Variants in TCF20 observed in about 807,000 individuals in gnomAD.
The protein encoded by TCF20 is transcription factor 20.
A neutral mutation model predicts 148.6 loss-of-function variants in TCF20; 3 were observed. That is an observed-to-expected ratio of 0.02 (90% CI 0.01 to 0.05). TCF20 has a LOEUF of 0.05. Among genes scored for constraint, TCF20 ranks in the 10% least tolerant of loss-of-function variants. The pLI is 1.00. For missense variants in TCF20, 2,350 were observed against 2,429.3 expected (o/e 0.97, Z 0.69); for synonymous variants, 1,049 against 909.5 (o/e 1.15, Z -2.76).
intron 1 of TCF20, among the ~76,000 whole-genome samples, chr22:42,224,256 G>A (rs367975868): frequency 1.3e-4 from 20 of 151,978 alleles, no homozygotes; most frequent in African/African-American, 4.4e-4. Context: ...CGGATAACGA[G>A]GTCAGGAGAT....
At chr22:42,225,584 G>GA (rs1922811159) in intron 1 of TCF20, among the ~76,000 whole-genome samples, 1 of 143,242 alleles carries the variant, frequency 7.0e-6, no homozygotes, top group Non-Finnish European at 1.5e-5. Flanking sequence ...ACTGCAGTCC[G>GA]CAGTCCGGCC....
At chr22:42,168,970 A>G (rs1935958278) in intron 4 of TCF20, among the ~76,000 whole-genome samples, 1 of 151,974 alleles carries the variant, frequency 6.6e-6, no homozygotes, top group Non-Finnish European at 1.5e-5. Flanking sequence ...AGAATATAAG[A>G]TCCTGTGACC....
At position 42,209,528 on chromosome 22, in the gene TCF20, C is replaced by T. The variant is rs1320039835; in HGVS notation, c.5655+123G>A. 5.2e-6 allele frequency: 6 copies of T among 1,146,348 alleles called. No homozygotes were observed. In the African/African-American group the frequency reaches 9.3e-5, roughly 18 times the overall value. The allele number at this position is 1,146,348 out of a possible 1,614,324, so 71.0% of individuals were successfully genotyped here. A position where few individuals can be genotyped will look rare whatever the true frequency, so the allele number is the denominator to read the frequency against. On this transcript the variant is annotated intron_variant, in intron 2 of 5. Coordinates refer to ENST00000677622, the MANE Select transcript of TCF20 (RefSeq NM_001378418.1). Reference sequence around the variant, plus strand: ...ATTACCTATTTCATTTTCTGTCCATCACATGGGCATAGGCACTTTAATTTG... The same window carrying T: ...ATTACCTATTTCATTTTCTGTCCATTACATGGGCATAGGCACTTTAATTTG...
chr22:42,330,728 C>T (rs1480888062), intron 1 of TCF20, among the ~76,000 whole-genome samples: 2 of 152,168 alleles, frequency 1.3e-5, no homozygotes, highest in Non-Finnish European at 1.5e-5. Flanking sequence ...GGCACCCATC[C>T]GAGCCCCTGA....
At chr22:42,225,000 CTTT>C (rs34550174) in intron 1 of TCF20, among the ~76,000 whole-genome samples, 2 of 130,246 alleles carry the variant, frequency 1.5e-5, no homozygotes, top group Non-Finnish European at 1.6e-5. Context: ...GAAATAATCA[CTTT>C]TTTTTTTTTT....
Position 42,210,832 on chromosome 22 carries a change from G to C in TCF20, c.4474C>G (p.Pro1492Ala). The change falls in exon 2 of 6, where the codon CCA (proline) becomes GCA (alanine). Residue 1492 changes from proline to alanine, a missense_variant. Physicochemically the swap from Pro to Ala is conservative, Grantham distance 27. Coordinates refer to ENST00000677622, the MANE Select transcript of TCF20 (RefSeq NM_001378418.1). The surrounding 1 kb of genome is among the most constrained non-coding windows in gnomAD (Gnocchi z 4.7). Reference protein sequence around the residue: ...SLGGTAPLIFPDSKNVPPVGI... With the variant: ...SLGGTAPLIFADSKNVPPVGI... ...ACTGGAGGTACATTCTTTGAGTCTG[G>C]AAAGATTAAAGGTGCTGTTCCACCC... The C allele has an allele frequency of 1.9e-6, 3 of 1,614,186 alleles. No individual in the cohort carries two copies. The highest frequency in any genetic ancestry group is 2.5e-6 in the Non-Finnish European group (3 of 1,180,026).
intron 2 of TCF20, among the ~76,000 whole-genome samples, chr22:42,192,573 C>T (rs1327065847): frequency 2.0e-5 from 3 of 152,154 alleles, no homozygotes; most frequent in Non-Finnish European, 4.4e-5. Context: ...ATAGCAGAGT[C>T]CCAGCAGAAA....
At chr22:42,334,640 T>C (rs1928035040) in intron 1 of TCF20, among the ~76,000 whole-genome samples, 2 of 152,250 alleles carry the variant, frequency 1.3e-5, no homozygotes, top group African/African-American at 2.4e-5. Context: ...GCAGACACAC[T>C]GGCGCCTGTC....
chr22:42,176,913 A>G (rs1304933536), intron 3 of TCF20, among the ~76,000 whole-genome samples: 5 of 152,220 alleles, frequency 3.3e-5, no homozygotes, highest in East Asian at 1.9e-4. Flanking sequence ...GATGGGAGAA[A>G]TAAGTTCTAG....
Position 42,213,484 on chromosome 22 carries a change from C to A in TCF20, c.1822G>T (p.Val608Phe). The A allele has an allele frequency of 6.2e-7, 1 of 1,614,204 alleles. No individual in the cohort carries two copies. Among genetic ancestry groups the A allele is most frequent in the East Asian group, 2.2e-5 (1 of 44,880 alleles). Residue 608 changes from valine (V) to phenylalanine (F), a missense_variant, in exon 2 of 6, where the codon GTC becomes TTC. Val to Phe is a conservative substitution (Grantham distance 50). This residue lies in a region of TCF20 where 1,641 missense variants were observed against 1,662.6 expected (regional missense o/e 0.99). Transcript: ENST00000677622. ...CGACCTGTCATGGCTTCCCGGGAGA[C>A]AATCACCCCAACAGTCTTCTCATTA... Reference protein sequence around the residue: ...KVNEKTVGVIVSREAMTGRVE... With the variant: ...KVNEKTVGVIFSREAMTGRVE...
At chr22:42,218,883 C>T (rs1922066168) in intron 1 of TCF20, among the ~76,000 whole-genome samples, 1 of 148,766 alleles carries the variant, frequency 6.7e-6, no homozygotes, top group Non-Finnish European at 1.5e-5. Context: ...TGTTATGGTT[C>T]TACTTTATGA....
intron 3 of TCF20, among the ~76,000 whole-genome samples, chr22:42,178,299 G>A (rs545825673): frequency 1.2e-4 from 19 of 152,274 alleles, no homozygotes; most frequent in African/African-American, 4.3e-4. Flanking sequence ...CAAGGAAGCG[G>A]TCTTGGGAAC....
intron 1 of TCF20, among the ~76,000 whole-genome samples, chr22:42,314,786 T>C (rs1241939711): frequency 6.6e-6 from 1 of 152,154 alleles, no homozygotes; most frequent in Non-Finnish European, 1.5e-5. Context: ...GAGAGGATTC[T>C]GGAGCAGCAT....
chr22:42,251,321 G>C (rs1925346121), intron 1 of TCF20, among the ~76,000 whole-genome samples: 1 of 151,884 alleles, frequency 6.6e-6, no homozygotes, highest in Non-Finnish European at 1.5e-5. Flanking sequence ...CAAGTAGCTG[G>C]ACTATAGGTG....
chr22:42,240,949 G>A lies in TCF20; in HGVS notation c.-36-25608C>T, dbSNP rs12161028. Among the ~76,000 whole-genome samples the A allele has an allele frequency of 4.5e-3, 682 of 151,938 alleles. 4 individuals carry two copies. The highest frequency in any genetic ancestry group is 0.014 in the African/African-American group (599 of 41,394). On this transcript the variant is annotated intron_variant, in intron 1 of 5. Coordinates refer to ENST00000677622, the MANE Select transcript of TCF20 (RefSeq NM_001378418.1). ...CAGTTCACTGCGACCTCCGCCTCCC[G>A]GGTTCATACGACTCTCCTGCCTCAG...
At chr22:42,258,033 T>C (rs765087063) in intron 1 of TCF20, among the ~76,000 whole-genome samples, 4 of 152,190 alleles carry the variant, frequency 2.6e-5, no homozygotes, top group East Asian at 1.9e-4. Context: ...AACAGTGGAA[T>C]TGCCAGACAC....
At chr22:42,320,695 G>A (rs565368129) in intron 1 of TCF20, among the ~76,000 whole-genome samples, 1 of 152,330 alleles carries the variant, frequency 6.6e-6, no homozygotes, top group East Asian at 1.9e-4. Flanking sequence ...ACCTGGCAGT[G>A]CATAAATGAA....
intron 1 of TCF20, among the ~76,000 whole-genome samples, chr22:42,224,425 C>G (rs550324312): frequency 2.5e-3 from 381 of 150,770 alleles, no homozygotes; most frequent in Non-Finnish European, 4.7e-3. Flanking sequence ...TGAGATCGCA[C>G]CACTGCACTC....
chr22:42,319,705 T>C (rs1042767755), intron 1 of TCF20, among the ~76,000 whole-genome samples: 2 of 152,098 alleles, frequency 1.3e-5, no homozygotes, highest in Admixed American at 6.5e-5. Flanking sequence ...TGAGGACAAA[T>C]GAACAACTAA....
Sources: gnomAD v4.1 joint callset for allele counts (sites outside exome capture counted in the v4.1 genomes callset) on GRCh38, gnomAD v4.1.1 for gene constraint, gnomAD v4.1.1 regional missense constraint, Gnocchi (gnomAD v3.1) non-coding constraint, MANE v1.5 for transcripts, NCBI Gene and HGNC (gene_info 2026-07-23, HGNC 2026-07-21) for gene names.